Variants in THNSL1 observed in about 807,000 individuals in gnomAD.
THNSL1 encodes the protein threonine synthase-like 1.
THNSL1 carries 48 observed loss-of-function variants against 50.4 expected under a neutral mutation model. The observed-to-expected ratio is 0.95, with a 90% CI of 0.76 to 1.21. The LOEUF is 1.21. Among genes scored for constraint, THNSL1 ranks in the 50% most tolerant of loss-of-function variants. THNSL1 has a pLI of 0.00. For missense variants in THNSL1, 896 were observed against 871.7 expected (o/e 1.03, Z -0.35); for synonymous variants, 309 against 306.1 (o/e 1.01, Z -0.10).
chr10:24,984,583 A>C, the THNSL1 span: 1 of 1,023,680 alleles, frequency 9.8e-7, no homozygotes, highest in African/African-American at 1.6e-5. Context: ...TGAATAACTC[A>C]ATTATTCTTT....
chr10:24,990,403 A>C, the THNSL1 span: 22 of 1,550,098 alleles, frequency 1.4e-5, no homozygotes, highest in Non-Finnish European at 1.9e-5. Context: ...GTGATGGTAC[A>C]CCTTTCTTTC....
rs1356314224 is a variant in THNSL1, at chr10:25,026,303, A to G, written c.*848A>G. On this transcript the variant is annotated 3_prime_UTR_variant, in exon 3 of 3. Coordinates refer to ENST00000376356, the MANE Select transcript of THNSL1 (RefSeq NM_024838.5). ...CCTTTGGATGTGTACGGTTAGGGTG[A>G]CGATGTTTGAAAATCAACACATAAC... 6.0e-6 allele frequency: 1 copy of G among 166,662 alleles called. No homozygotes were observed. Among genetic ancestry groups the G allele is most frequent in the Non-Finnish European group, 1.5e-5 (1 of 68,142 alleles). 10.3% of individuals were successfully genotyped at this position (166,662 alleles called of 1,614,324 possible).
At chr10:25,011,588 T>C in the THNSL1 span, among the ~76,000 whole-genome samples, 1 of 152,102 alleles carries the variant, frequency 6.6e-6, no homozygotes, top group Admixed American at 6.5e-5. Context: ...TAATTCAAGA[T>C]GGATTAAAGA....
rs775838630 is a variant in THNSL1 at position 25,024,193 on chromosome 10, T to A, written c.970T>A (p.Cys324Ser). 9.3e-6 allele frequency: 15 copies of A among 1,614,106 alleles called. No individual in the cohort carries two copies. The East Asian group carries it at 3.3e-4, about 36-fold the overall frequency. ...IETAYGENFA[C>S]SKIAPVRHLS... ...AACTGCTTATGGGGAAAACTTTGCC[T>A]GCTCAAAAATTGCTCCTGTCAGGCA... The change falls in exon 3 of 3, where the codon TGC (cysteine) becomes AGC (serine). Residue 324 changes from cysteine (C) to serine (S), a missense_variant. Physicochemically the swap from Cys to Ser is moderately radical, Grantham distance 112. Coordinates refer to ENST00000376356, the MANE Select transcript of THNSL1 (RefSeq NM_024838.5).
At chr10:24,989,293 T>C in the THNSL1 span, among the ~76,000 whole-genome samples, 7 of 152,210 alleles carry the variant, frequency 4.6e-5, no homozygotes, top group African/African-American at 1.7e-4. Context: ...CTTCCTCCTT[T>C]GCAGCAGACC....
the THNSL1 span, among the ~76,000 whole-genome samples, chr10:25,011,142 T>G: frequency 6.6e-6 from 1 of 152,062 alleles, no homozygotes; most frequent in Non-Finnish European, 1.5e-5. Context: ...CCATTCTAAC[T>G]GGTGTGAGAT....
the THNSL1 span, among the ~76,000 whole-genome samples, chr10:24,964,240 T>C: frequency 6.6e-6 from 1 of 152,230 alleles, no homozygotes; most frequent in Non-Finnish European, 1.5e-5. Flanking sequence ...ATCACTGCCC[T>C]AGAGTAACAG....
the THNSL1 span, among the ~76,000 whole-genome samples, chr10:24,964,464 A>G: frequency 2.2e-3 from 338 of 152,360 alleles, 3 homozygotes; most frequent in Non-Finnish European, 2.8e-3. Flanking sequence ...TCAAACATAG[A>G]GAAACATAAG....
At chr10:25,002,943 C>T in the THNSL1 span, among the ~76,000 whole-genome samples, 14 of 151,902 alleles carry the variant, frequency 9.2e-5, no homozygotes, top group African/African-American at 3.1e-4. Context: ...GGTGTCTTTA[C>T]TTCCACCTCT....
At chr10:24,963,891 C>T in the THNSL1 span, among the ~76,000 whole-genome samples, 2 of 152,182 alleles carry the variant, frequency 1.3e-5, no homozygotes, top group African/African-American at 4.8e-5. Flanking sequence ...AAGCTGTGGA[C>T]AGCTCTGTCA....
chr10:25,009,522 G>C, the THNSL1 span, among the ~76,000 whole-genome samples: 1 of 152,196 alleles, frequency 6.6e-6, no homozygotes, highest in African/African-American at 2.4e-5. Context: ...AGAGAAATAT[G>C]AGTTAATAGG....
the THNSL1 span, among the ~76,000 whole-genome samples, chr10:24,987,814 C>CT: frequency 6.6e-5 from 10 of 152,088 alleles, no homozygotes; most frequent in Non-Finnish European, 1.2e-4. Context: ...AAATCAAACT[C>CT]TAAGTTCACT....
the THNSL1 span, among the ~76,000 whole-genome samples, chr10:24,962,310 A>G: frequency 6.6e-6 from 1 of 152,214 alleles, no homozygotes. Flanking sequence ...TGGGTTCTGA[A>G]TTAAGAGCCC....
chr10:24,953,530 CTG>C, the THNSL1 span: 26 of 152,406 alleles, frequency 1.7e-4, no homozygotes, highest in African/African-American at 5.8e-4. Context: ...TTGTATGAGT[CTG>C]TTGTTCATTT....
chr10:24,981,108 A>C, the THNSL1 span, among the ~76,000 whole-genome samples: 1 of 152,192 alleles, frequency 6.6e-6, no homozygotes, highest in East Asian at 1.9e-4. Flanking sequence ...TTTAGCTGAG[A>C]GGTATTTCTT....
upstream of THNSL1, among the ~76,000 whole-genome samples, chr10:25,012,981 T>C (rs987684532): frequency 2.0e-5 from 3 of 152,146 alleles, no homozygotes; most frequent in African/African-American, 7.2e-5. Flanking sequence ...TGATAGGTAA[T>C]TGAATCATGG....
chr10:25,013,286 A>G (rs901079337), upstream of THNSL1, among the ~76,000 whole-genome samples: 2 of 152,258 alleles, frequency 1.3e-5, no homozygotes, highest in African/African-American at 4.8e-5. Flanking sequence ...TATAAAAGAC[A>G]TATTTATTAA....
chr10:25,001,077 C>A, the THNSL1 span, among the ~76,000 whole-genome samples: 504 of 151,974 alleles, frequency 3.3e-3, 2 homozygotes, highest in African/African-American at 9.3e-3. Flanking sequence ...ATTATGTTCC[C>A]TTTATATAAT....
the THNSL1 span, chr10:24,984,879 C>T: frequency 3.1e-6 from 5 of 1,612,886 alleles, no homozygotes; most frequent in South Asian, 3.3e-5. Flanking sequence ...ATTCTTTATG[C>T]ACCTCTTCCC....
Sources: gnomAD v4.1 joint callset for allele counts (sites outside exome capture counted in the v4.1 genomes callset) on GRCh38, gnomAD v4.1.1 for gene constraint, MANE v1.5 for transcripts, NCBI Gene and HGNC (gene_info 2026-07-23, HGNC 2026-07-21) for gene names.